The following KCND3 variants were observed in gnomAD, a reference collection of about 807,000 sequenced individuals.
KCND3 encodes A-type voltage-gated potassium channel KCND3.
Under a neutral mutation model 51.1 loss-of-function variants are expected in KCND3, and 9 were observed. That is an observed-to-expected ratio of 0.18 (90% confidence interval 0.11 to 0.31). KCND3 has a LOEUF of 0.31. Among genes scored for constraint, KCND3 ranks in the 10% least tolerant of loss-of-function variants. KCND3 has a pLI of 1.00. For missense variants in KCND3, 526 were observed against 903.8 expected (o/e 0.58, Z 5.36); for synonymous variants, 349 against 368.0 (o/e 0.95, Z 0.59).
intron 2 of KCND3, among the ~76,000 whole-genome samples, chr1:111,805,751 A>G (rs974461859): frequency 2.0e-5 from 3 of 152,212 alleles, no homozygotes; most frequent in African/African-American, 4.8e-5. Flanking sequence ...GGAGAATTCA[A>G]TGAGCCACCT....
intron 2 of KCND3, among the ~76,000 whole-genome samples, chr1:111,936,497 G>A (rs1044268297): frequency 2.0e-5 from 3 of 152,238 alleles, no homozygotes; most frequent in Non-Finnish European, 4.4e-5. Context: ...AGAGGGAACA[G>A]TAAGAGCAAA....
chr1:111,946,476 C>T (rs1672783632), intron 2 of KCND3, among the ~76,000 whole-genome samples: 1 of 152,190 alleles, frequency 6.6e-6, no homozygotes, highest in Admixed American at 6.5e-5. Context: ...CTGAGTCCTT[C>T]ATGCCCTCCT....
chr1:111,979,813 G>A (rs1447247666), intron 2 of KCND3, among the ~76,000 whole-genome samples: 1 of 152,194 alleles, frequency 6.6e-6, no homozygotes, highest in East Asian at 1.9e-4. Context: ...ATCATATGCT[G>A]TTATACTACT....
At position 111,780,831 on chromosome 1, in the gene KCND3, T is replaced by C; in HGVS notation, c.1270-40A>G. ...GATAATAAAAGAATGAGGCAGACCA[T>C]GATACAAAAAGACAGCAAGGCTGGT... is the stretch of plus-strand genomic sequence containing the variant. On this transcript the variant is annotated intron_variant, in intron 3 of 7. Coordinates refer to ENST00000302127, the MANE Select transcript of KCND3 (RefSeq NM_001378969.1). This position sits in a 1 kb window ranked among gnomAD's most constrained non-coding sequence, Gnocchi z 4.2. 6.5e-7 allele frequency: 1 copy of C among 1,542,070 alleles called. No homozygotes were observed. Among genetic ancestry groups the C allele is most frequent in the Non-Finnish European group, 8.9e-7 (1 of 1,124,686 alleles).
At chr1:111,873,710 A>G (rs1448065590) in intron 2 of KCND3, among the ~76,000 whole-genome samples, 1 of 152,124 alleles carries the variant, frequency 6.6e-6, no homozygotes, top group Admixed American at 6.5e-5. Flanking sequence ...CTGAGCACTC[A>G]ACATGCCTTC....
intron 2 of KCND3, among the ~76,000 whole-genome samples, chr1:111,794,427 C>T (rs887252864): frequency 1.3e-5 from 2 of 152,188 alleles, no homozygotes; most frequent in African/African-American, 2.4e-5. Flanking sequence ...CCGGTTAGGG[C>T]CCAGCTGCTG....
chr1:111,906,767 G>T (rs187531879), intron 2 of KCND3, among the ~76,000 whole-genome samples: 5 of 152,144 alleles, frequency 3.3e-5, no homozygotes, highest in East Asian at 1.9e-4. Flanking sequence ...TGCACAAAGC[G>T]TCCACTCCTT....
intron 2 of KCND3, among the ~76,000 whole-genome samples, chr1:111,807,567 TTG>T (rs1665631931): frequency 6.6e-6 from 1 of 152,164 alleles, no homozygotes; most frequent in Non-Finnish European, 1.5e-5. Flanking sequence ...TCCCAGCTAC[TTG>T]GGAGCCTGAG....
At chr1:111,985,375 C>T (rs950690903) in intron 1 of KCND3, among the ~76,000 whole-genome samples, 4 of 152,284 alleles carry the variant, frequency 2.6e-5, no homozygotes, top group Admixed American at 6.5e-5. Context: ...AAGTAGGCGG[C>T]GCCATTAAAC....
chr1:111,857,301 C>T (rs373312850), intron 2 of KCND3, among the ~76,000 whole-genome samples: 40 of 152,270 alleles, frequency 2.6e-4, no homozygotes, highest in East Asian at 1.9e-3. Context: ...GGTCACAGCG[C>T]GTGCTGAGGA....
At chr1:111,816,897 CA>C (rs1196775884) in intron 2 of KCND3, among the ~76,000 whole-genome samples, 6 of 152,240 alleles carry the variant, frequency 3.9e-5, no homozygotes, top group African/African-American at 1.4e-4. Context: ...CACTTGGAAG[CA>C]ACTGAGCTCT....
At chr1:111,963,250 A>G (rs1673770170) in intron 2 of KCND3, among the ~76,000 whole-genome samples, 1 of 152,254 alleles carries the variant, frequency 6.6e-6, no homozygotes, top group Admixed American at 6.5e-5. Context: ...GTTATACAGT[A>G]AAAGCTAACT....
chr1:111,844,678 T>C (rs1417619740), intron 2 of KCND3, among the ~76,000 whole-genome samples: 1 of 152,168 alleles, frequency 6.6e-6, no homozygotes, highest in Non-Finnish European at 1.5e-5. Flanking sequence ...GCCTCTGATG[T>C]TCCACAGAAA....
chr1:111,857,006 T>TGTCG (rs1668105125), intron 2 of KCND3: 1 of 152,290 alleles, frequency 6.6e-6, no homozygotes, highest in South Asian at 2.1e-4. Flanking sequence ...TGTCTTTCTG[T>TGTCG]GTCGGTCACA....
intron 2 of KCND3, among the ~76,000 whole-genome samples, chr1:111,925,590 T>A (rs1038321822): frequency 1.1e-4 from 16 of 152,222 alleles, no homozygotes; most frequent in Non-Finnish European, 4.4e-5. Context: ...GCTCGGTTTC[T>A]TCATCTGTAA....
At chr1:111,851,716 C>T (rs948305485) in intron 2 of KCND3, among the ~76,000 whole-genome samples, 2 of 152,258 alleles carry the variant, frequency 1.3e-5, no homozygotes, top group African/African-American at 4.8e-5. Flanking sequence ...TATTCCCCAA[C>T]GCAGCACCTA....
At chr1:111,957,011 G>C (rs905535156) in intron 2 of KCND3, among the ~76,000 whole-genome samples, 2 of 152,182 alleles carry the variant, frequency 1.3e-5, no homozygotes, top group African/African-American at 2.4e-5. Context: ...CTATGTTTAA[G>C]ACAGAACGAG....
chr1:111,823,488 GCTCT>G (rs1350011033), intron 2 of KCND3, among the ~76,000 whole-genome samples: 2 of 152,070 alleles, frequency 1.3e-5, no homozygotes, highest in African/African-American at 4.8e-5. Flanking sequence ...AGACTGAGCT[GCTCT>G]CTATCTTTGC....
intron 2 of KCND3, among the ~76,000 whole-genome samples, chr1:111,791,880 C>T (rs781057340): frequency 3.9e-5 from 6 of 152,076 alleles, no homozygotes; most frequent in Admixed American, 2.0e-4. Flanking sequence ...TAAAAATCAC[C>T]GGGGAATTTA....
Sources: gnomAD v4.1 joint callset for allele counts (sites outside exome capture counted in the v4.1 genomes callset) on GRCh38, gnomAD v4.1.1 for gene constraint, Gnocchi (gnomAD v3.1) non-coding constraint, MANE v1.5 for transcripts, NCBI Gene and HGNC (gene_info 2026-07-23, HGNC 2026-07-21) for gene names.